MCC: variants seen among roughly 807,000 people sequenced by gnomAD.
The protein encoded by MCC is colorectal mutant cancer protein.
MCC carries 90 observed loss-of-function variants against 116.2 expected under a neutral mutation model. That is an observed-to-expected ratio of 0.77 (90% CI 0.65 to 0.92). The LOEUF (loss-of-function observed/expected upper bound fraction) is 0.92. Ranked by LOEUF, MCC falls within the 40% of genes least tolerant of loss-of-function variation. MCC has a pLI of 0.00. For synonymous variants in MCC, 578 were observed against 510.5 expected, an observed-to-expected ratio of 1.13 and a Z score of -1.78; for missense variants, 1,516 against 1,312.2, an observed-to-expected ratio of 1.16 and a Z score of -2.40.
chr5:113,138,749 G>C (rs1007846139), intron 5 of MCC, among the ~76,000 whole-genome samples: 1 of 152,164 alleles, frequency 6.6e-6, no homozygotes, highest in Non-Finnish European at 1.5e-5. Context: ...TAGATTCAAT[G>C]TCTAGTAATC....
At chr5:113,098,835 G>A (rs556362087) in intron 8 of MCC, among the ~76,000 whole-genome samples, 35 of 152,268 alleles carry the variant, frequency 2.3e-4, no homozygotes, top group Non-Finnish European at 4.4e-4. Context: ...CCAATTGCTC[G>A]TCAAGGAACT....
At chr5:113,055,260 T>C (rs529122052) in intron 14 of MCC, among the ~76,000 whole-genome samples, 2 of 152,100 alleles carry the variant, frequency 1.3e-5, no homozygotes, top group African/African-American at 2.4e-5. Context: ...CTAGAAGCTA[T>C]ACCAGGGGCC....
chr5:113,099,062 A>G (rs1756230625), intron 8 of MCC, among the ~76,000 whole-genome samples: 4 of 152,044 alleles, frequency 2.6e-5, no homozygotes, highest in Admixed American at 1.3e-4. Flanking sequence ...CTGGAAGAAG[A>G]CTTTTGGCAC....
Position 113,069,816 on chromosome 5 carries a change from G to A in MCC, c.1925+1278C>T, listed in dbSNP as rs550213267. On this transcript the variant is annotated intron_variant, in intron 12 of 18. Transcript: ENST00000408903. The stretch of plus-strand genomic sequence containing the variant: ...TTAGCCAGGATGATCTTGATCTCCT[G>A]ACCTCGTGATCCGCCCGCCTCGGCC... Among the ~76,000 whole-genome samples, 43 of 152,220 alleles carry A rather than the reference G, an allele frequency of 2.8e-4. No homozygotes were observed. The South Asian group carries it at 8.5e-3, about 30-fold the overall frequency.
intron 3 of MCC, among the ~76,000 whole-genome samples, chr5:113,236,016 C>T (rs142403665): frequency 6.6e-6 from 1 of 152,302 alleles, no homozygotes; most frequent in Non-Finnish European, 1.5e-5. Context: ...GTCTTCTAAC[C>T]TAGGTAGGTC....
chr5:113,367,795 T>C (rs1249938467), intron 2 of MCC, among the ~76,000 whole-genome samples: 1 of 152,132 alleles, frequency 6.6e-6, no homozygotes, highest in African/African-American at 2.4e-5. Flanking sequence ...GTCAGCATTA[T>C]CTGGTCATTA....
intron 3 of MCC, among the ~76,000 whole-genome samples, chr5:113,255,939 C>T (rs191834492): frequency 6.6e-6 from 1 of 152,318 alleles, no homozygotes; most frequent in Non-Finnish European, 1.5e-5. Flanking sequence ...ATCCTAAAAT[C>T]CAAAAGCGCT....
intron 3 of MCC, among the ~76,000 whole-genome samples, chr5:113,331,839 T>C (rs1767704872): frequency 6.6e-6 from 1 of 151,516 alleles, no homozygotes. Flanking sequence ...GGTTTCACCA[T>C]GTTAACCAGG....
At chr5:113,414,617 G>C (rs1282126001) in intron 1 of MCC, among the ~76,000 whole-genome samples, 1 of 151,830 alleles carries the variant, frequency 6.6e-6, no homozygotes, top group Non-Finnish European at 1.5e-5. Flanking sequence ...CCATTTGCTT[G>C]GTAGATCTTC....
At position 113,434,156 on chromosome 5, in the gene MCC, C is replaced by T. The variant is rs1580370350; in HGVS notation, c.171-48944G>A. 6.2e-6 allele frequency: 10 copies of T among 1,614,190 alleles called. No homozygotes were observed. In the East Asian group the frequency reaches 2.2e-4, roughly 36 times the overall value. On this transcript the variant is annotated intron_variant, in intron 1 of 18. Transcript: ENST00000408903. This position sits in a 1 kb window ranked among gnomAD's most constrained non-coding sequence, Gnocchi z 4.2. Reference sequence around the variant, plus strand: ...GTGGGAAGTTGACGCGGTGCTCCTTCTGGATACGCAGCATCTTCTTGATGT... The same window carrying T: ...GTGGGAAGTTGACGCGGTGCTCCTTTTGGATACGCAGCATCTTCTTGATGT...
At chr5:113,095,700 A>AT (rs199840111) in intron 8 of MCC, among the ~76,000 whole-genome samples, 3,270 of 148,724 alleles carry the variant, frequency 0.022, 89 homozygotes, top group African/African-American at 0.066. Flanking sequence ...AAAAAAAAAA[A>AT]TTTTTTTTTT....
chr5:113,141,481 G>A (rs183720648), intron 5 of MCC, among the ~76,000 whole-genome samples: 13 of 152,240 alleles, frequency 8.5e-5, no homozygotes, highest in African/African-American at 3.1e-4. Flanking sequence ...TGTCTCTCTG[G>A]AGAACCCTGA....
Position 113,065,379 on chromosome 5 carries a change from TAAAAC to T in MCC, c.2030-1217_2030-1213del, listed in dbSNP as rs772909917. 6.6e-5 allele frequency among the ~76,000 whole-genome samples: 10 copies of T among 152,062 alleles called. No homozygotes were observed. The East Asian group carries it at 7.7e-4, about 12-fold the overall frequency. On this transcript the variant is annotated intron_variant, in intron 13 of 18. Transcript: ENST00000408903. The stretch of plus-strand genomic sequence containing the variant: ...CTAAAAAAACAAAGCCTTAAAAAAA[TAAAAC>T]AAAACAAAACAGAAACTGTGCTGGC...
chr5:113,476,122 C>T (rs182965105), intron 1 of MCC, among the ~76,000 whole-genome samples: 6 of 152,200 alleles, frequency 3.9e-5, no homozygotes, highest in African/African-American at 1.4e-4. Context: ...TGCACGTGAA[C>T]GAATTAGTTT....
At chr5:113,125,342 C>T (rs756476676) in intron 5 of MCC, among the ~76,000 whole-genome samples, 6 of 152,088 alleles carry the variant, frequency 3.9e-5, no homozygotes, top group Non-Finnish European at 5.9e-5. Flanking sequence ...AGAACAAAAA[C>T]GACACATGGC....
intron 2 of MCC, among the ~76,000 whole-genome samples, chr5:113,363,492 G>T (rs183714125): frequency 7.3e-4 from 111 of 152,166 alleles, no homozygotes; most frequent in Middle Eastern, 3.4e-3. Flanking sequence ...AGAGAGAGAA[G>T]GGGGAGGTTC....
At chr5:113,264,636 A>T (rs1765350337) in intron 3 of MCC, among the ~76,000 whole-genome samples, 1 of 152,204 alleles carries the variant, frequency 6.6e-6, no homozygotes, top group Non-Finnish European at 1.5e-5. Context: ...ATGTTTTTGT[A>T]GAGCCTACAA....
chr5:113,438,728 A>G (rs26984), intron 1 of MCC, among the ~76,000 whole-genome samples: 14,377 of 152,256 alleles, frequency 0.094, 989 homozygotes, highest in Non-Finnish European at 0.12. Flanking sequence ...TACTTTTCTT[A>G]ACACTACTAA....
At chr5:113,134,612 C>T (rs4577684) in intron 5 of MCC, among the ~76,000 whole-genome samples, 85,216 of 109,552 alleles carry the variant, frequency 0.78, 30,909 homozygotes, top group East Asian at 0.86. Context: ...TTTTTTTTTT[C>T]TTCTATTTCT....
Sources: allele counts gnomAD v4.1 joint callset (sites outside exome capture counted in the v4.1 genomes callset), GRCh38; gene constraint gnomAD v4.1.1; non-coding constraint Gnocchi (gnomAD v3.1); transcripts MANE v1.5; gene names NCBI Gene and HGNC (gene_info 2026-07-23, HGNC 2026-07-21).